CD53: variants seen among roughly 807,000 people sequenced by gnomAD.
CD53 encodes the protein CD53 molecule, also known as leukocyte surface antigen CD53.
In CD53, 20 loss-of-function variants were observed where a neutral mutation model predicts 27.3. The observed-to-expected ratio is 0.73, with a 90% confidence interval of 0.52 to 1.07. The LOEUF (loss-of-function observed/expected upper bound fraction) is 1.07. Among genes scored for constraint, CD53 ranks in the 50% least tolerant of loss-of-function variants. The pLI, the probability that CD53 is intolerant of heterozygous loss-of-function variation, is 0.00. For missense variants in CD53, 216 were observed against 264.0 expected, an observed-to-expected ratio of 0.82 and a Z score of 1.26; for synonymous variants, 106 against 105.3, an observed-to-expected ratio of 1.01 and a Z score of -0.04.
At chr1:110,881,237 C>T (rs1329616239) in intron 1 of CD53, among the ~76,000 whole-genome samples, 2 of 152,102 alleles carry the variant, frequency 1.3e-5, no homozygotes, top group Non-Finnish European at 2.9e-5. Context: ...TCCCTGCTCC[C>T]TCTCTACTCA....
chr1:110,879,968 A>G (rs937120872), intron 1 of CD53, among the ~76,000 whole-genome samples: 1 of 152,216 alleles, frequency 6.6e-6, no homozygotes, highest in African/African-American at 2.4e-5. Flanking sequence ...GTCAAAAAAA[A>G]GACAGGGATG....
At chr1:110,877,935 A>G (rs1260724860) in intron 1 of CD53, among the ~76,000 whole-genome samples, 1 of 152,218 alleles carries the variant, frequency 6.6e-6, no homozygotes, top group Non-Finnish European at 1.5e-5. Flanking sequence ...GAAAAATGGA[A>G]GGTCTTCTCC....
intron 1 of CD53, among the ~76,000 whole-genome samples, chr1:110,887,615 T>G (rs1412094738): frequency 5.9e-5 from 9 of 152,216 alleles, no homozygotes; most frequent in African/African-American, 2.2e-4. Flanking sequence ...CCCTTACTCT[T>G]AAGATTTGTT....
chr1:110,882,952 T>C (rs918300813), intron 1 of CD53, among the ~76,000 whole-genome samples: 1 of 152,056 alleles, frequency 6.6e-6, no homozygotes, highest in Non-Finnish European at 1.5e-5. Flanking sequence ...TCTAGTAGTA[T>C]TTTTGTAGAT....
intron 4 of CD53, among the ~76,000 whole-genome samples, chr1:110,894,645 T>A (rs1017327454): frequency 6.6e-6 from 1 of 152,198 alleles, no homozygotes; most frequent in Non-Finnish European, 1.5e-5. Context: ...TCTACTTGCT[T>A]TCCTCTGTGT....
chr1:110,893,636 C>T (rs967771291), intron 3 of CD53, among the ~76,000 whole-genome samples: 3 of 152,198 alleles, frequency 2.0e-5, no homozygotes, highest in African/African-American at 7.2e-5. Flanking sequence ...TGGGTCAACT[C>T]TTAAACTGGA....
intron 6 of CD53, 152 bp downstream of exon 6, chr1:110,896,885 G>A: frequency 1.6e-6 from 1 of 626,122 alleles, no homozygotes; most frequent in Non-Finnish European, 2.8e-6. Context: ...TGGGTAATTA[G>A]AAAAGTCAGA....
At chr1:110,893,311 T>C (rs773170401) in intron 3 of CD53, among the ~76,000 whole-genome samples, 3 of 152,196 alleles carry the variant, frequency 2.0e-5, no homozygotes, top group Non-Finnish European at 2.9e-5. Flanking sequence ...GGTTTTTTGT[T>C]TTGTTTTTTT....
chr1:110,885,461 CG>C, intron 1 of CD53, among the ~76,000 whole-genome samples: 1 of 152,154 alleles, frequency 6.6e-6, no homozygotes, highest in Middle Eastern at 3.4e-3. Context: ...TGGCGTGAAC[CG>C]GGGAGGCGGA....
At chr1:110,882,050 T>C (rs1464105502) in intron 1 of CD53, among the ~76,000 whole-genome samples, 1 of 152,230 alleles carries the variant, frequency 6.6e-6, no homozygotes, top group African/African-American at 2.4e-5. Context: ...GGAAATATTT[T>C]GTCCCTTCTG....
chr1:110,894,406 G>C lies in CD53; in HGVS notation c.327+5G>C, dbSNP rs773036104. 1 of 1,609,470 alleles carries C rather than the reference G, an allele frequency of 6.2e-7. No individual in the cohort carries two copies. The highest frequency in any genetic ancestry group is 8.5e-7 in the Non-Finnish European group (1 of 1,175,738). On this transcript the variant is annotated splice_donor_5th_base_variant and intron_variant, in intron 4 of 7. Transcript: ENST00000271324. ...CTCTTTGTATATGAACAGAAGGTAAGTTATAAAGACAACAACTTATTGTCT... is the reference window on the plus strand; with the variant it reads ...CTCTTTGTATATGAACAGAAGGTAACTTATAAAGACAACAACTTATTGTCT...
rs71575170 is a variant in CD53 at position 110,886,869 on chromosome 1, ATT to A, written c.-17-4514_-17-4513del. ...CCAATATATATATATATATATATAT[ATT>A]TTTTTTTTCTGTCTGTGTTTCTTTG... On this transcript the variant is annotated intron_variant, in intron 1 of 7. Coordinates refer to ENST00000271324, the MANE Select transcript of CD53 (RefSeq NM_000560.4). 1.0e-3 allele frequency among the ~76,000 whole-genome samples: 83 copies of A among 82,786 alleles called. 1 individual carries two copies. Among genetic ancestry groups the A allele is most frequent in the African/African-American group, 3.7e-3 (70 of 18,722 alleles). 54.3% of individuals were successfully genotyped at this position (82,786 alleles called of 152,430 possible).
At chr1:110,879,100 T>C (rs1333384642) in intron 1 of CD53, among the ~76,000 whole-genome samples, 1 of 152,128 alleles carries the variant, frequency 6.6e-6, no homozygotes, top group Non-Finnish European at 1.5e-5. Context: ...AAGGGATTAT[T>C]CTTGCCCCGT....
At position 110,874,189 on chromosome 1, in the gene CD53, G is replaced by A. The variant is rs186972453; in HGVS notation, c.-18+941G>A. ...TCTTTGATTACACCCACCCATCTAAGTATGAGGATTGGGAACAGGGCAGAG... is the reference window on the plus strand; with the variant it reads ...TCTTTGATTACACCCACCCATCTAAATATGAGGATTGGGAACAGGGCAGAG... On this transcript the variant is annotated intron_variant, in intron 1 of 7. Transcript: ENST00000271324. Among the ~76,000 whole-genome samples the A allele has an allele frequency of 2.0e-5, 3 of 152,294 alleles. No individual in the cohort carries two copies. In the East Asian group the frequency reaches 5.8e-4, roughly 29 times the overall value.
chr1:110,874,708 A>C (rs1168535184), intron 1 of CD53, among the ~76,000 whole-genome samples: 1 of 152,244 alleles, frequency 6.6e-6, no homozygotes, highest in Non-Finnish European at 1.5e-5. Flanking sequence ...TATATTCATG[A>C]GGAATGATTC....
At chr1:110,895,361 T>C (rs1657017443) in intron 5 of CD53, among the ~76,000 whole-genome samples, 1 of 152,236 alleles carries the variant, frequency 6.6e-6, no homozygotes, top group South Asian at 2.1e-4. Flanking sequence ...AAAATTTTAC[T>C]GAAAACAGCA....
chr1:110,898,004 C>T (rs1479766570), intron 7 of CD53, 112 bp downstream of exon 7: 4 of 549,594 alleles, frequency 7.3e-6, no homozygotes, highest in Non-Finnish European at 1.3e-5. Context: ...GCTATTTTTA[C>T]TAATATATGA....
chr1:110,873,713 A>G (rs563815269), intron 1 of CD53, among the ~76,000 whole-genome samples: 1 of 152,326 alleles, frequency 6.6e-6, no homozygotes, highest in African/African-American at 2.4e-5. Context: ...TCAAAAGTAA[A>G]TTTAGTGACT....
chr1:110,892,597 A>T (rs568275558), intron 3 of CD53, 64 bp downstream of exon 3: 6 of 1,335,224 alleles, frequency 4.5e-6, no homozygotes, highest in Admixed American at 3.7e-5. Context: ...CCCAGGCAAG[A>T]TGTTTCTTGG....
Sources: gnomAD v4.1 joint callset for allele counts (sites outside exome capture counted in the v4.1 genomes callset) on GRCh38, gnomAD v4.1.1 for gene constraint, MANE v1.5 for transcripts, NCBI Gene and HGNC (gene_info 2026-07-23, HGNC 2026-07-21) for gene names.